The following SPAG16 variants were observed in gnomAD, a reference collection of about 807,000 sequenced individuals.
SPAG16 encodes sperm associated antigen 16, also known as sperm-associated antigen 16 protein.
SPAG16 carries 86 observed loss-of-function variants against 80.4 expected under a neutral mutation model. That is an observed-to-expected ratio of 1.07 (90% CI 0.90 to 1.28). The LOEUF is 1.28. Among genes scored for constraint, SPAG16 ranks in the 50% most tolerant of loss-of-function variants. The probability of loss-of-function intolerance (pLI) is 0.00; values close to 1 mark genes in which losing one functional copy is unlikely to be tolerated. For synonymous variants in SPAG16, 294 were observed against 265.9 expected, an observed-to-expected ratio of 1.11 and a Z score of -1.03; for missense variants, 870 against 765.3, an observed-to-expected ratio of 1.14 and a Z score of -1.61.
chr2:213,498,357 G>A (rs1026536058), intron 10 of SPAG16, among the ~76,000 whole-genome samples: 3 of 152,040 alleles, frequency 2.0e-5, no homozygotes, highest in Non-Finnish European at 4.4e-5. Context: ...AAACATCAGT[G>A]CCTGTGTCAT....
chr2:214,022,611 T>C (rs1575855291), intron 13 of SPAG16, among the ~76,000 whole-genome samples: 1 of 152,072 alleles, frequency 6.6e-6, no homozygotes, highest in Admixed American at 6.6e-5. Flanking sequence ...AACTCGGAGC[T>C]TTCTTCTCTA....
chr2:213,957,804 G>A (rs932572962), intron 12 of SPAG16, among the ~76,000 whole-genome samples: 1 of 152,048 alleles, frequency 6.6e-6, no homozygotes, highest in Non-Finnish European at 1.5e-5. Context: ...ACATCCTAAA[G>A]TTATAGCACT....
intron 14 of SPAG16, among the ~76,000 whole-genome samples, chr2:214,146,811 T>C (rs914852207): frequency 2.6e-5 from 4 of 152,116 alleles, no homozygotes; most frequent in East Asian, 1.9e-4. Flanking sequence ...CCATCCTGGC[T>C]AACACAGTGA....
intron 15 of SPAG16, among the ~76,000 whole-genome samples, chr2:214,295,324 G>T (rs1206563484): frequency 1.3e-5 from 2 of 152,180 alleles, no homozygotes; most frequent in East Asian, 3.8e-4. Context: ...CATGAGAAAT[G>T]ATTTTAACAA....
intron 9 of SPAG16, among the ~76,000 whole-genome samples, chr2:213,388,842 T>C (rs574458467): frequency 1.3e-5 from 2 of 152,286 alleles, no homozygotes; most frequent in South Asian, 4.1e-4. Context: ...AAGACATAAA[T>C]AAATGTAAAC....
chr2:213,493,916 C>T (rs1008612313), intron 10 of SPAG16, among the ~76,000 whole-genome samples: 1 of 152,188 alleles, frequency 6.6e-6, no homozygotes, highest in Non-Finnish European at 1.5e-5. Flanking sequence ...TCCACTTGTC[C>T]TTGCCATTCT....
At position 213,987,638 on chromosome 2, in the gene SPAG16, C is replaced by G. The variant is rs148472876; in HGVS notation, c.1401-26313C>G. 7.9e-5 allele frequency among the ~76,000 whole-genome samples: 12 copies of G among 151,670 alleles called. No individual in the cohort carries two copies. In the East Asian group the frequency reaches 2.3e-3, roughly 29 times the overall value. ...ACAATTGTAGCTTTGTCCACTTGGCCGATATTTAATTTCTCAATTAAGTAT... is the reference window on the plus strand; with the variant it reads ...ACAATTGTAGCTTTGTCCACTTGGCGGATATTTAATTTCTCAATTAAGTAT... On this transcript the variant is annotated intron_variant, in intron 12 of 15. Coordinates refer to ENST00000331683, the MANE Select transcript of SPAG16 (RefSeq NM_024532.5).
intron 12 of SPAG16, among the ~76,000 whole-genome samples, chr2:213,964,532 G>A (rs1397292440): frequency 6.6e-6 from 1 of 151,672 alleles, no homozygotes; most frequent in Non-Finnish European, 1.5e-5. Flanking sequence ...TTTTCTGTCA[G>A]CACTTTGACT....
rs568665635 is a variant in SPAG16 at position 213,916,376 on chromosome 2, T to C, written c.1215-13584T>C. On this transcript the variant is annotated intron_variant, in intron 11 of 15. Transcript: ENST00000331683. ...CATCATTTATTAAATAGGGAATTCT[T>C]TCCCCATTGCCTGTTTTTCTCAGGT... Among the ~76,000 whole-genome samples, 202 of 152,350 alleles carry C rather than the reference T, an allele frequency of 1.3e-3. 1 individual carries two copies. The highest frequency in any genetic ancestry group is 4.7e-3 in the African/African-American group (196 of 41,580).
At chr2:213,868,429 A>G (rs1338686659) in intron 11 of SPAG16, among the ~76,000 whole-genome samples, 4 of 152,196 alleles carry the variant, frequency 2.6e-5, no homozygotes, top group Admixed American at 2.6e-4. Context: ...CATTTAGACC[A>G]GCTTTGGGCA....
chr2:213,448,527 C>T (rs2071487746), intron 9 of SPAG16, among the ~76,000 whole-genome samples: 2 of 152,166 alleles, frequency 1.3e-5, no homozygotes, highest in South Asian at 2.1e-4. Context: ...GTGTGCCGTA[C>T]CAGTTAAAGA....
chr2:213,608,905 G>C (rs1018931862), intron 10 of SPAG16, among the ~76,000 whole-genome samples: 27 of 152,270 alleles, frequency 1.8e-4, no homozygotes, highest in African/African-American at 6.3e-4. Flanking sequence ...GGATGGTCTC[G>C]ATCTCCTGAC....
intron 3 of SPAG16, among the ~76,000 whole-genome samples, chr2:213,304,249 T>C (rs1032218469): frequency 1.3e-5 from 2 of 152,170 alleles, no homozygotes; most frequent in African/African-American, 4.8e-5. Context: ...TAGAGTTGTT[T>C]GAGCTCCTTA....
chr2:213,544,668 A>G (rs1244502379), intron 10 of SPAG16, among the ~76,000 whole-genome samples: 1 of 151,792 alleles, frequency 6.6e-6, no homozygotes, highest in Non-Finnish European at 1.5e-5. Context: ...TCTGTGCTCT[A>G]CCTATTCATA....
At chr2:213,631,996 A>AT (rs918790104) in intron 10 of SPAG16, among the ~76,000 whole-genome samples, 4 of 151,438 alleles carry the variant, frequency 2.6e-5, no homozygotes, top group South Asian at 2.1e-4. Context: ...AAATATTAGG[A>AT]TTTTTTTTCT....
intron 10 of SPAG16, among the ~76,000 whole-genome samples, chr2:213,609,924 T>C (rs1018508840): frequency 3.3e-5 from 5 of 152,112 alleles, no homozygotes; most frequent in Non-Finnish European, 7.3e-5. Flanking sequence ...CCAGCCAATG[T>C]AATCCCCAGG....
chr2:213,368,219 T>A (rs1013327551), intron 8 of SPAG16, among the ~76,000 whole-genome samples: 127 of 151,946 alleles, frequency 8.4e-4, no homozygotes, highest in Admixed American at 1.6e-3. Flanking sequence ...AGTCAGGTAG[T>A]GTGATGCCTC....
chr2:213,910,732 C>T (rs531080697), intron 11 of SPAG16, among the ~76,000 whole-genome samples: 1 of 30,132 alleles, frequency 3.3e-5, no homozygotes, highest in African/African-American at 5.8e-5. Context: ...TCGTGATCCG[C>T]CCGCCTCGGC....
intron 14 of SPAG16, among the ~76,000 whole-genome samples, chr2:214,118,621 G>A (rs1457341152): frequency 6.6e-6 from 1 of 152,072 alleles, no homozygotes; most frequent in Non-Finnish European, 1.5e-5. Context: ...CAGATCTCTT[G>A]AGAACTCACA....
Sources: allele counts gnomAD v4.1 joint callset (sites outside exome capture counted in the v4.1 genomes callset), GRCh38; gene constraint gnomAD v4.1.1; transcripts MANE v1.5; gene names NCBI Gene and HGNC (gene_info 2026-07-23, HGNC 2026-07-21).